The following CD226 variants were observed in gnomAD, a reference collection of about 807,000 sequenced individuals.
CD226 encodes CD226 antigen.
A neutral mutation model predicts 34.9 loss-of-function variants in CD226; 24 were observed. The ratio of observed to expected loss-of-function variants is 0.69; its 90% CI spans 0.50 to 0.97. CD226 has a LOEUF of 0.97. CD226 is among the 50% of genes least tolerant of loss of function. The probability of loss-of-function intolerance (pLI) is 0.00; values close to 1 mark genes in which losing one functional copy is unlikely to be tolerated. For missense variants in CD226, 397 were observed against 412.7 expected (o/e 0.96, Z 0.33); for synonymous variants, 148 against 147.4 (o/e 1.00, Z -0.03).
intron 2 of CD226, among the ~76,000 whole-genome samples, chr18:69,928,233 G>A (rs966160726): frequency 1.3e-5 from 2 of 152,106 alleles, no homozygotes; most frequent in East Asian, 1.9e-4. Context: ...GAATTCATAC[G>A]TTTCCTATGT....
At chr18:69,869,831 C>T (rs1439647252) in intron 4 of CD226, among the ~76,000 whole-genome samples, 117 of 134,936 alleles carry the variant, frequency 8.7e-4, no homozygotes, top group South Asian at 2.8e-3. Flanking sequence ...GATGGAGTCT[C>T]GCTCTGTCAC....
At chr18:69,896,180 AC>A in intron 2 of CD226, 135 bp from the exon 3 acceptor site, 2 of 1,323,482 alleles carry the variant, frequency 1.5e-6, no homozygotes, top group African/African-American at 4.3e-5. Flanking sequence ...TCTTTATACT[AC>A]TTTTTTTTTT....
At chr18:69,889,410 A>G (rs1790971) in intron 3 of CD226, among the ~76,000 whole-genome samples, 29,614 of 151,854 alleles carry the variant, frequency 0.2, 3,634 homozygotes, top group African/African-American at 0.35. Flanking sequence ...AGTTCAGACA[A>G]TCCTCATGTC....
At chr18:69,912,049 G>A (rs1439710805) in intron 2 of CD226, among the ~76,000 whole-genome samples, 2 of 152,010 alleles carry the variant, frequency 1.3e-5, no homozygotes, top group African/African-American at 2.4e-5. Flanking sequence ...ATGTGCACAC[G>A]TGCAGGTTTG....
intron 4 of CD226, among the ~76,000 whole-genome samples, chr18:69,869,225 T>A (rs532481142): frequency 6.6e-6 from 1 of 152,302 alleles, no homozygotes; most frequent in East Asian, 1.9e-4. Flanking sequence ...GCAGCACTAT[T>A]CATGATAGCA....
At position 69,854,515 on chromosome 18, in the gene CD226, A is replaced by G. The variant is rs1982558869; in HGVS notation, c.*9799T>C. 1 of 152,298 alleles carries G rather than the reference A, an allele frequency of 6.6e-6. No homozygotes were observed. Among genetic ancestry groups the G allele is most frequent in the African/African-American group, 2.4e-5 (1 of 41,468 alleles). 9.4% of individuals were successfully genotyped at this position (152,298 alleles called of 1,614,324 possible). A position where few individuals can be genotyped will look rare whatever the true frequency, so the allele number is the denominator to read the frequency against. On this transcript the variant is annotated 3_prime_UTR_variant, in exon 6 of 6. Coordinates refer to ENST00000582621, the MANE Select transcript of CD226 (RefSeq NM_001303618.2). ...TGGCTCTGGCAACAGATAGAGAGGG[A>G]CATCCATTGAGAAATAAGCCATGAA...
At chr18:69,961,490 T>C (rs1013426076), upstream of CD226, 3 of 152,218 alleles carry the variant, frequency 2.0e-5, no homozygotes, top group African/African-American at 7.2e-5. Flanking sequence ...CAATCAATCA[T>C]TGAAGACCTT....
intron 2 of CD226, among the ~76,000 whole-genome samples, chr18:69,942,688 G>C (rs924689596): frequency 8.5e-5 from 13 of 152,282 alleles, no homozygotes; most frequent in African/African-American, 3.1e-4. Flanking sequence ...CACTCTCACA[G>C]TGTCTTCCTT....
chr18:69,901,326 G>A (rs1276803043), intron 2 of CD226, among the ~76,000 whole-genome samples: 1 of 152,122 alleles, frequency 6.6e-6, no homozygotes, highest in Admixed American at 6.5e-5. Context: ...AGGGGTGAAG[G>A]TAATGATGGT....
chr18:69,873,069 T>C (rs1381408744), intron 4 of CD226, 75 bp downstream of exon 4: 3 of 840,214 alleles, frequency 3.6e-6, no homozygotes, highest in Non-Finnish European at 6.2e-6. Flanking sequence ...CTGAGACAGC[T>C]TGACAAATTA....
intron 2 of CD226, among the ~76,000 whole-genome samples, chr18:69,935,165 C>T (rs942405274): frequency 6.6e-6 from 1 of 152,190 alleles, no homozygotes; most frequent in Non-Finnish European, 1.5e-5. Flanking sequence ...GGACTTTCTT[C>T]AGTTACTTAT....
upstream of CD226, among the ~76,000 whole-genome samples, chr18:69,959,868 G>T (rs1457756579): frequency 6.6e-6 from 1 of 152,122 alleles, no homozygotes; most frequent in Non-Finnish European, 1.5e-5. Flanking sequence ...CAGGAAGAAA[G>T]CAGCGCCACC....
chr18:69,955,402 A>G (rs897958703), intron 1 of CD226, among the ~76,000 whole-genome samples: 6 of 152,206 alleles, frequency 3.9e-5, no homozygotes, highest in Non-Finnish European at 8.8e-5. Context: ...CACATGCTGG[A>G]AAGCAGAGGA....
At chr18:69,960,051 C>A (rs186603201), upstream of CD226, among the ~76,000 whole-genome samples, 1 of 151,944 alleles carries the variant, frequency 6.6e-6, no homozygotes, top group African/African-American at 2.4e-5. Context: ...ACCAGCCTAG[C>A]CAATATGGTG....
intron 1 of CD226, among the ~76,000 whole-genome samples, chr18:69,953,775 G>A (rs1393384898): frequency 6.6e-6 from 1 of 152,108 alleles, no homozygotes; most frequent in Admixed American, 6.5e-5. Flanking sequence ...CAAGGCAGGT[G>A]GATTGCTTGA....
At chr18:69,910,508 G>T (rs2055310890) in intron 2 of CD226, among the ~76,000 whole-genome samples, 1 of 152,226 alleles carries the variant, frequency 6.6e-6, no homozygotes, top group Non-Finnish European at 1.5e-5. Context: ...TCACAGGGTT[G>T]TGAAAAGCAA....
At chr18:69,887,472 C>T (rs1297272148) in intron 3 of CD226, among the ~76,000 whole-genome samples, 2 of 152,216 alleles carry the variant, frequency 1.3e-5, no homozygotes, top group Non-Finnish European at 2.9e-5. Flanking sequence ...CCCATGGGTT[C>T]ATTTACACAT....
intron 2 of CD226, among the ~76,000 whole-genome samples, chr18:69,920,768 G>A (rs919860983): frequency 6.6e-5 from 10 of 151,978 alleles, no homozygotes; most frequent in African/African-American, 2.2e-4. Context: ...TGTAACAAGG[G>A]TTATGACTAG....
At chr18:69,869,627 AC>A (rs1983376296) in intron 4 of CD226, among the ~76,000 whole-genome samples, 2 of 152,162 alleles carry the variant, frequency 1.3e-5, no homozygotes, top group Non-Finnish European at 2.9e-5. Context: ...TATGTAACAA[AC>A]CTGCACATCC....
Sources: gnomAD v4.1 joint callset for allele counts (sites outside exome capture counted in the v4.1 genomes callset) on GRCh38, gnomAD v4.1.1 for gene constraint, MANE v1.5 for transcripts, NCBI Gene and HGNC (gene_info 2026-07-23, HGNC 2026-07-21) for gene names.